METTL25: variants seen among roughly 807,000 people sequenced by gnomAD.
METTL25 encodes probable methyltransferase-like protein 25.
Under a neutral mutation model 71.6 loss-of-function variants are expected in METTL25, and 64 were observed. The ratio of observed to expected loss-of-function variants is 0.89; its 90% confidence interval spans 0.73 to 1.10. The LOEUF is 1.10. METTL25 is among the 50% of genes least tolerant of loss of function. METTL25 has a pLI of 0.00. For synonymous variants in METTL25, 287 were observed against 250.3 expected, an observed-to-expected ratio of 1.15 and a Z score of -1.38; for missense variants, 807 against 707.0, an observed-to-expected ratio of 1.14 and a Z score of -1.60.
intron 1 of METTL25, among the ~76,000 whole-genome samples, chr12:82,386,563 G>A (rs936271479): frequency 2.0e-5 from 3 of 147,950 alleles, no homozygotes. Flanking sequence ...AGGCCTGATT[G>A]TAATTTGGAG....
chr12:82,403,267 G>T, intron 5 of METTL25, 137 bp downstream of exon 5: 1 of 765,678 alleles, frequency 1.3e-6, no homozygotes, highest in Non-Finnish European at 2.0e-6. Flanking sequence ...TGACTTACTT[G>T]CACTTTTAGT....
chr12:82,395,441 A>G (rs895333581), intron 3 of METTL25, among the ~76,000 whole-genome samples: 4 of 152,012 alleles, frequency 2.6e-5, no homozygotes, highest in Non-Finnish European at 2.9e-5. Context: ...TGGAGTTGGT[A>G]TGAAGTAGCT....
chr12:82,472,550 G>A (rs1565890400), intron 9 of METTL25, among the ~76,000 whole-genome samples: 1 of 152,034 alleles, frequency 6.6e-6, no homozygotes, highest in African/African-American at 2.4e-5. Flanking sequence ...GTGAGCCGAG[G>A]TCCTGCCACT....
At chr12:82,449,818 T>G (rs1891012510) in intron 8 of METTL25, among the ~76,000 whole-genome samples, 1 of 42,300 alleles carries the variant, frequency 2.4e-5, no homozygotes, top group Non-Finnish European at 5.9e-5. Flanking sequence ...CACCCAATTT[T>G]CCCCTCTAAC....
chr12:82,476,935 C>T (rs1892912401), intron 10 of METTL25, among the ~76,000 whole-genome samples: 2 of 151,752 alleles, frequency 1.3e-5, no homozygotes, highest in South Asian at 4.1e-4. Context: ...TATAAATGCA[C>T]AAAAAGTTTC....
chr12:82,362,005 A>T (rs1012803488), intron 1 of METTL25, among the ~76,000 whole-genome samples: 1 of 152,342 alleles, frequency 6.6e-6, no homozygotes, highest in African/African-American at 2.4e-5. Context: ...AGGAGTTACA[A>T]GTAAACATAA....
At chr12:82,381,771 A>G (rs959607123) in intron 1 of METTL25, among the ~76,000 whole-genome samples, 4 of 152,260 alleles carry the variant, frequency 2.6e-5, no homozygotes, top group Non-Finnish European at 2.9e-5. Flanking sequence ...CAAAGCCTTA[A>G]AATGTTTAAG....
In METTL25 at chr12:82,399,110, G is replaced by A. The variant is rs1385789453; in HGVS notation, c.847G>A (p.Gly283Ser). ...PTSAILPDFS[G>S]SVISNIRNQM... ...CTCAGCTATTTTGCCTGATTTTTCTGGCTCTGTAATTTCTAATATCAGAAA... is the reference window on the plus strand; with the variant it reads ...CTCAGCTATTTTGCCTGATTTTTCTAGCTCTGTAATTTCTAATATCAGAAA... The change falls in exon 4 of 12, where the codon GGC becomes AGC. Residue 283 changes from glycine to serine, a missense_variant. Physicochemically the swap from Gly to Ser is moderately conservative, Grantham distance 56 (BLOSUM62 0). Coordinates refer to ENST00000248306, the MANE Select transcript of METTL25 (RefSeq NM_032230.3). The A allele has an allele frequency of 1.2e-6, 2 of 1,613,552 alleles. No homozygotes were observed. Among genetic ancestry groups the A allele is most frequent in the Non-Finnish European group, 1.7e-6 (2 of 1,179,826 alleles).
chr12:82,429,226 A>G (rs945159989), intron 5 of METTL25, among the ~76,000 whole-genome samples: 4 of 151,682 alleles, frequency 2.6e-5, no homozygotes, highest in Non-Finnish European at 5.9e-5. Flanking sequence ...CCCAGCCTCA[A>G]GTAACTGTCA....
At chr12:82,358,845 G>A (rs762540604) in intron 1 of METTL25, 21 bp downstream of exon 1, 40 of 1,585,492 alleles carry the variant, frequency 2.5e-5, no homozygotes, top group Admixed American at 7.0e-5. Flanking sequence ...GGGTAGGCGG[G>A]GCGGGAAGGG....
In METTL25 at chr12:82,478,993, A is replaced by T. The variant is rs369255808; in HGVS notation, c.1781A>T (p.Tyr594Phe). The change falls in exon 12 of 12, where the codon TAT becomes TTT. Residue 594 changes from tyrosine to phenylalanine, a missense_variant. Transcript: ENST00000248306. ...LFDPVKSPRC[Y>F]AVIALKKQQ is the part of the protein sequence containing the mutation. ...GATCCCGTGAAATCTCCCAGATGTTATGCTGTTATTGCCCTGAAGAAGCAG... is the reference window on the plus strand; with the variant it reads ...GATCCCGTGAAATCTCCCAGATGTTTTGCTGTTATTGCCCTGAAGAAGCAG... 1.2e-5 allele frequency: 20 copies of T among 1,612,704 alleles called. No homozygotes were observed. Among genetic ancestry groups the T allele is most frequent in the African/African-American group, 4.0e-5 (3 of 74,890 alleles).
intron 1 of METTL25, among the ~76,000 whole-genome samples, chr12:82,385,784 G>T (rs1036373697): frequency 6.6e-6 from 1 of 152,138 alleles, no homozygotes; most frequent in Non-Finnish European, 1.5e-5. Context: ...ATTGTAGTTT[G>T]ATAGTAATGC....
intron 9 of METTL25, chr12:82,459,752 A>G (rs1322890562): frequency 6.6e-6 from 1 of 152,240 alleles, no homozygotes; most frequent in Non-Finnish European, 1.5e-5. Context: ...ATCAATAGAA[A>G]ACTTGAAAAC....
chr12:82,376,153 T>C (rs1037483764), intron 1 of METTL25, among the ~76,000 whole-genome samples: 7 of 152,240 alleles, frequency 4.6e-5, no homozygotes, highest in Non-Finnish European at 8.8e-5. Context: ...TCAATCTTTA[T>C]ATTTTTTAAA....
chr12:82,394,903 C>CT (rs1243322143), intron 3 of METTL25, among the ~76,000 whole-genome samples: 1 of 151,682 alleles, frequency 6.6e-6, no homozygotes, highest in Admixed American at 6.6e-5. Flanking sequence ...ATAGAGGGAA[C>CT]AACAAGTTCA....
chr12:82,386,952 C>A lies in METTL25; in HGVS notation c.409C>A (p.Gln137Lys). 6.2e-7 allele frequency: 1 copy of A among 1,612,476 alleles called. No individual in the cohort carries two copies. Among genetic ancestry groups the A allele is most frequent in the South Asian group, 1.1e-5 (1 of 90,926 alleles). The change falls in exon 2 of 12, where the codon CAA becomes AAA. Residue 137 changes from glutamine to lysine, a missense_variant. Gln to Lys is a moderately conservative substitution (Grantham distance 53). Transcript: ENST00000248306. ...GTTGCTTGTAGCCCTTCGAGGAAAT[C>A]AAAACCAGAGAATTGGTATGTCTAT... ...EQLLVALRGN[Q>K]NQRIGENQKA...
At chr12:82,441,256 T>C (rs1890303745) in intron 8 of METTL25, among the ~76,000 whole-genome samples, 3 of 151,204 alleles carry the variant, frequency 2.0e-5, no homozygotes, top group South Asian at 4.2e-4. Context: ...CTGGACAAAA[T>C]AATGTAAATC....
At chr12:82,421,114 GGC>G (rs1888445450) in intron 5 of METTL25, among the ~76,000 whole-genome samples, 1 of 152,054 alleles carries the variant, frequency 6.6e-6, no homozygotes, top group South Asian at 2.1e-4. Flanking sequence ...TGCCCACCTT[GGC>G]CTCCCAAAGT....
At chr12:82,430,287 A>T in intron 5 of METTL25, among the ~76,000 whole-genome samples, 1 of 146,416 alleles carries the variant, frequency 6.8e-6, no homozygotes, top group East Asian at 2.0e-4. Flanking sequence ...TAGATATGTG[A>T]TTAAGTAATG....
Sources: gnomAD v4.1 joint callset for allele counts (sites outside exome capture counted in the v4.1 genomes callset) on GRCh38, gnomAD v4.1.1 for gene constraint, MANE v1.5 for transcripts, NCBI Gene and HGNC (gene_info 2026-07-23, HGNC 2026-07-21) for gene names.